The following RRAGC variants were observed in gnomAD, a reference collection of about 807,000 sequenced individuals.
The protein encoded by RRAGC is ras-related GTP-binding protein C.
RRAGC carries 8 observed loss-of-function variants against 37.1 expected under a neutral mutation model. That is an observed-to-expected ratio of 0.22 (90% CI 0.13 to 0.39). The LOEUF (loss-of-function observed/expected upper bound fraction) is 0.39. Among genes scored for constraint, RRAGC ranks in the 10% least tolerant of loss-of-function variants. RRAGC has a pLI of 1.00. For synonymous variants in RRAGC, 190 were observed against 181.1 expected (o/e 1.05, Z -0.39); for missense variants, 342 against 497.6 (o/e 0.69, Z 2.98).
At position 38,839,584 on chromosome 1, in the gene RRAGC, G is replaced by A; in HGVS notation, c.1169C>T (p.Thr390Ile). 1.2e-6 allele frequency: 2 copies of A among 1,614,118 alleles called. No individual in the cohort carries two copies. The highest frequency in any genetic ancestry group is 1.7e-6 in the Non-Finnish European group (2 of 1,180,042). The change falls in exon 7 of 7, where the codon ACA becomes ATA. Residue 390 changes from threonine (T) to isoleucine (I), a missense_variant. By Grantham distance (89) the Thr-to-Ile change is moderately conservative. Around this residue, in one of 3 missense-constraint regions of RRAGC, gnomAD observed 104 missense variants for 127.0 expected, o/e 0.82. Coordinates refer to ENST00000373001, the MANE Select transcript of RRAGC (RefSeq NM_022157.4). ...GGCGTTTCGTGGCGTGCCATTGTGT[G>A]TCAGCGCTTTCAGACTGGAGGCACT... ...QTSASSLKAL[T>I]HNGTPRNAI
intron 6 of RRAGC, 91 bp downstream of exon 6, chr1:38,845,846 AAC>A (rs1347868944): frequency 2.8e-6 from 3 of 1,071,834 alleles, no homozygotes; most frequent in Non-Finnish European, 4.0e-6. Flanking sequence ...CTATTTGTCT[AAC>A]ACTGCAATTA....
At chr1:38,839,744 C>G (rs924740891) in intron 6 of RRAGC, 40 bp from the exon 7 acceptor site, 9 of 1,595,240 alleles carry the variant, frequency 5.6e-6, no homozygotes, top group Non-Finnish European at 4.3e-6. Flanking sequence ...CCTGAATTGT[C>G]AATTGTGAAA....
At chr1:38,853,699 A>T (rs1642130092) in intron 3 of RRAGC, among the ~76,000 whole-genome samples, 1 of 151,692 alleles carries the variant, frequency 6.6e-6, no homozygotes, top group South Asian at 2.1e-4. Context: ...GTGAGCCGAG[A>T]TGGCATCATT....
In RRAGC at chr1:38,859,419, G is replaced by A; in HGVS notation, c.228C>T (p.Ser76=). 6.5e-7 allele frequency: 1 copy of A among 1,548,216 alleles called. No homozygotes were observed. Among genetic ancestry groups the A allele is most frequent in the Non-Finnish European group, 8.7e-7 (1 of 1,146,410 alleles). Residue 76 remains serine (S), a synonymous_variant, in exon 1 of 7, where the codon TCC becomes TCT. Transcript: ENST00000373001. ...LMGLRRSGKS[S]IQKVVFHKMS... The stretch of plus-strand genomic sequence containing the variant: ...GCGCAGCCCTGCTCACCTTCTGGAT[G>A]GAGGACTTGCCGCTGCGCCGGAGTC...
intron 5 of RRAGC, among the ~76,000 whole-genome samples, chr1:38,850,329 A>G (rs7556110): frequency 0.13 from 19,327 of 152,028 alleles, 1,587 homozygotes; most frequent in Non-Finnish European, 0.18. Flanking sequence ...CCTGGTTAAC[A>G]TGGTGGAATC....
At chr1:38,848,440 A>G (rs1051875166) in intron 5 of RRAGC, among the ~76,000 whole-genome samples, 4 of 152,192 alleles carry the variant, frequency 2.6e-5, no homozygotes, top group Admixed American at 2.6e-4. Context: ...TAAAGCTCCT[A>G]ATGTCAAGCC....
intron 3 of RRAGC, among the ~76,000 whole-genome samples, chr1:38,853,237 G>C (rs1343402033): frequency 6.6e-6 from 1 of 152,228 alleles, no homozygotes; most frequent in African/African-American, 2.4e-5. Context: ...GAATCTACAG[G>C]AGTCTGGAGG....
At chr1:38,850,892 A>G (rs1642094161) in intron 5 of RRAGC, among the ~76,000 whole-genome samples, 1 of 151,912 alleles carries the variant, frequency 6.6e-6, no homozygotes, top group African/African-American at 2.4e-5. Context: ...CTGGTCTCCA[A>G]CTCCTGGCCC....
intron 2 of RRAGC, 131 bp from the exon 3 acceptor site, chr1:38,856,038 C>G (rs1570871043): frequency 1.6e-6 from 1 of 615,282 alleles, no homozygotes; most frequent in Non-Finnish European, 2.8e-6. Context: ...TTCAAACATT[C>G]AAATATACTA....
chr1:38,850,698 G>C (rs1293491989), intron 5 of RRAGC, among the ~76,000 whole-genome samples: 1 of 152,164 alleles, frequency 6.6e-6, no homozygotes, highest in Non-Finnish European at 1.5e-5. Context: ...ATTTAGACTA[G>C]ATGGAGCAGA....
chr1:38,845,733 A>C (rs1471755188), intron 6 of RRAGC, among the ~76,000 whole-genome samples: 1 of 152,232 alleles, frequency 6.6e-6, no homozygotes, highest in African/African-American at 2.4e-5. Flanking sequence ...GCTAGAATTA[A>C]AATCTTGATT....
At chr1:38,853,615 C>A (rs1426201497) in intron 3 of RRAGC, among the ~76,000 whole-genome samples, 1 of 152,084 alleles carries the variant, frequency 6.6e-6, no homozygotes, top group African/African-American at 2.4e-5. Flanking sequence ...GGCGTGGTGG[C>A]GCATGCCTGT....
chr1:38,856,171 AT>A (rs896722645), intron 2 of RRAGC, among the ~76,000 whole-genome samples: 97 of 152,226 alleles, frequency 6.4e-4, no homozygotes, highest in Non-Finnish European at 8.2e-4. Flanking sequence ...TCCCAACATA[AT>A]TTTTTTAAGT....
In RRAGC at chr1:38,852,038, A is replaced by T. The variant is rs112977857; in HGVS notation, c.757-281T>A. ...TTTCTAAGACATCACAAAAAATTTAACAAAAATCTCTAAAAATCAAGCAAT... is the reference window on the plus strand; with the variant it reads ...TTTCTAAGACATCACAAAAAATTTATCAAAAATCTCTAAAAATCAAGCAAT... On this transcript the variant is annotated intron_variant, in intron 4 of 6. Transcript: ENST00000373001. Among the ~76,000 whole-genome samples, 701 of 152,358 alleles carry T rather than the reference A, an allele frequency of 4.6e-3. 7 individuals carry two copies. Among genetic ancestry groups the T allele is most frequent in the African/African-American group, 0.016 (662 of 41,586 alleles).
intron 5 of RRAGC, chr1:38,847,428 AAG>A (rs1491357589): frequency 2.5e-4 from 36 of 141,794 alleles, no homozygotes; most frequent in African/African-American, 1.0e-3. Context: ...TAGGCAACAC[AAG>A]AACACACACA....
chr1:38,858,903 G>C (rs1429468761), intron 1 of RRAGC, among the ~76,000 whole-genome samples: 1 of 152,214 alleles, frequency 6.6e-6, no homozygotes, highest in Non-Finnish European at 1.5e-5. Context: ...CCAATTCCCA[G>C]TAATGCTACA....
intron 6 of RRAGC, among the ~76,000 whole-genome samples, chr1:38,842,130 G>C (rs1467722853): frequency 1.3e-5 from 2 of 152,182 alleles, no homozygotes; most frequent in African/African-American, 4.8e-5. Flanking sequence ...AAATTAGCCA[G>C]GCGTGCAGGC....
chr1:38,853,394 C>A (rs1431484318), intron 3 of RRAGC, among the ~76,000 whole-genome samples: 1 of 152,188 alleles, frequency 6.6e-6, no homozygotes, highest in African/African-American at 2.4e-5. Flanking sequence ...ATAGTCGCAT[C>A]CACCACACAT....
intron 6 of RRAGC, among the ~76,000 whole-genome samples, chr1:38,844,859 C>T (rs1420140703): frequency 1.3e-5 from 2 of 151,966 alleles, no homozygotes; most frequent in East Asian, 1.9e-4. Flanking sequence ...ATGCAGCCAA[C>T]GAATATATGA....
Sources: gnomAD v4.1 joint callset for allele counts (sites outside exome capture counted in the v4.1 genomes callset) on GRCh38, gnomAD v4.1.1 for gene constraint, gnomAD v4.1.1 regional missense constraint, MANE v1.5 for transcripts, NCBI Gene and HGNC (gene_info 2026-07-23, HGNC 2026-07-21) for gene names.